Variants in MAPK4 observed in about 807,000 individuals in gnomAD.
The protein encoded by MAPK4 is mitogen-activated protein kinase 4, also known as Erk3-related.
MAPK4 carries 22 observed loss-of-function variants against 47.7 expected under a neutral mutation model. The observed-to-expected ratio is 0.46, with a 90% confidence interval of 0.33 to 0.66. The LOEUF (loss-of-function observed/expected upper bound fraction) is 0.66, where lower values mean the gene tolerates loss of function less well. MAPK4 is among the 30% of genes least tolerant of loss of function. MAPK4 has a pLI of 0.02. For missense variants in MAPK4, 736 were observed against 831.7 expected, an observed-to-expected ratio of 0.88 and a Z score of 1.42; for synonymous variants, 390 against 365.7, an observed-to-expected ratio of 1.07 and a Z score of -0.76.
At chr18:50,592,292 G>A (rs1280092883) in intron 1 of MAPK4, among the ~76,000 whole-genome samples, 4 of 152,160 alleles carry the variant, frequency 2.6e-5, no homozygotes, top group African/African-American at 9.7e-5. Flanking sequence ...GAAGCAGTGG[G>A]TACTTGAGGG....
chr18:50,713,909 C>G (rs1681082058), intron 2 of MAPK4, among the ~76,000 whole-genome samples: 1 of 152,156 alleles, frequency 6.6e-6, no homozygotes, highest in African/African-American at 2.4e-5. Context: ...GTTTGAGGCT[C>G]TACTCGGAGG....
intron 1 of MAPK4, among the ~76,000 whole-genome samples, chr18:50,599,854 T>G (rs1276959595): frequency 6.6e-6 from 1 of 152,226 alleles, no homozygotes; most frequent in East Asian, 1.9e-4. Context: ...CTGAGGAGTA[T>G]CTAAGTCATT....
intron 1 of MAPK4, among the ~76,000 whole-genome samples, chr18:50,658,244 A>T (rs996148528): frequency 7.2e-5 from 11 of 152,190 alleles, no homozygotes; most frequent in African/African-American, 2.7e-4. Context: ...CTTTAATTTG[A>T]GACATACCAC....
At chr18:50,628,197 C>T (rs538799956) in intron 1 of MAPK4, among the ~76,000 whole-genome samples, 38 of 152,272 alleles carry the variant, frequency 2.5e-4, no homozygotes, top group South Asian at 1.0e-3. Context: ...TGAAAATCTG[C>T]GAATTAATAA....
At chr18:50,719,137 G>T (rs960458199) in intron 3 of MAPK4, among the ~76,000 whole-genome samples, 1 of 150,772 alleles carries the variant, frequency 6.6e-6, no homozygotes, top group Non-Finnish European at 1.5e-5. Context: ...GTCAGATGAA[G>T]CTGAAGTCAG....
At chr18:50,667,171 T>C (rs893586674) in intron 2 of MAPK4, among the ~76,000 whole-genome samples, 4 of 152,224 alleles carry the variant, frequency 2.6e-5, no homozygotes, top group Admixed American at 6.5e-5. Flanking sequence ...CTCATCACTC[T>C]CTGCTCTGTC....
intron 5 of MAPK4, among the ~76,000 whole-genome samples, chr18:50,727,465 C>T (rs1911262891): frequency 6.6e-6 from 1 of 152,162 alleles, no homozygotes; most frequent in African/African-American, 2.4e-5. Flanking sequence ...TTGTTGTTGT[C>T]AATTGTTGTT....
intron 2 of MAPK4, chr18:50,704,510 C>G (rs1314685026): frequency 1.0e-5 from 4 of 398,594 alleles, no homozygotes; most frequent in Non-Finnish European, 1.8e-5. Context: ...TCATGTGTGT[C>G]TCTCTCTTAT....
At position 50,722,160 on chromosome 18, in the gene MAPK4, G is replaced by A. The variant is rs918591371; in HGVS notation, c.853+61G>A. The A allele has an allele frequency of 1.8e-5, 28 of 1,550,442 alleles. No individual in the cohort carries two copies. The Middle Eastern group carries it at 6.4e-4, about 35-fold the overall frequency. On this transcript the variant is annotated intron_variant, in intron 4 of 5. Transcript: ENST00000400384. ...GAGGATGAGCTAGGCTCCACCTTGC[G>A]GGGTAGGGGGCAGGCAGGTCTCCTT... is the stretch of plus-strand genomic sequence containing the variant.
intron 1 of MAPK4, among the ~76,000 whole-genome samples, chr18:50,600,561 A>G (rs2149371984): frequency 1.3e-5 from 2 of 152,298 alleles, no homozygotes; most frequent in South Asian, 2.1e-4. Context: ...CATCAGAGCC[A>G]CTAGAGCTGC....
At chr18:50,683,501 A>G (rs1908704743) in intron 2 of MAPK4, among the ~76,000 whole-genome samples, 1 of 147,898 alleles carries the variant, frequency 6.8e-6, no homozygotes, top group Non-Finnish European at 1.5e-5. Context: ...TAAACTTACC[A>G]AAATAGCACA....
intron 1 of MAPK4, among the ~76,000 whole-genome samples, chr18:50,581,064 A>C (rs1392541775): frequency 1.3e-5 from 2 of 152,206 alleles, no homozygotes; most frequent in African/African-American, 2.4e-5. Flanking sequence ...AGGAGTTTGC[A>C]TGTTCATCCT....
At chr18:50,708,550 G>A (rs1415732001) in intron 2 of MAPK4, among the ~76,000 whole-genome samples, 2 of 152,142 alleles carry the variant, frequency 1.3e-5, no homozygotes, top group African/African-American at 2.4e-5. Context: ...TTAACCAGTC[G>A]AGGTCCTCAA....
At chr18:50,668,391 G>A (rs73959991) in intron 2 of MAPK4, among the ~76,000 whole-genome samples, 2,245 of 152,282 alleles carry the variant, frequency 0.015, 52 homozygotes, top group African/African-American at 0.051. Flanking sequence ...CACTGGGCAC[G>A]TGCCCATTAG....
In MAPK4 at chr18:50,568,453, T is replaced by A. The variant is rs2042220909; in HGVS notation, c.-871+8210T>A. ...TTACAACAGTCTCTGAAGTGGGTAC[T>A]GTCACGTCTCTCCATTTATACATGA... On this transcript the variant is annotated intron_variant, in intron 1 of 5. Coordinates refer to ENST00000400384, the MANE Select transcript of MAPK4 (RefSeq NM_002747.4). Among the ~76,000 whole-genome samples the A allele has an allele frequency of 2.0e-5, 3 of 152,352 alleles. No individual in the cohort carries two copies. The South Asian group carries it at 6.2e-4, about 32-fold the overall frequency.
rs117558687 is a variant in MAPK4 at position 50,659,612 on chromosome 18, C to A, written c.-870-3477C>A. On this transcript the variant is annotated intron_variant, in intron 1 of 5. Coordinates refer to ENST00000400384, the MANE Select transcript of MAPK4 (RefSeq NM_002747.4). The stretch of plus-strand genomic sequence containing the variant: ...TGAGAGAATAATTAATTGGCCTCAA[C>A]TAAGCTGTTACCTGAGAGTCAGTGA... Among the ~76,000 whole-genome samples, 695 of 152,332 alleles carry A rather than the reference C, an allele frequency of 4.6e-3. 4 individuals are homozygous for A. Among genetic ancestry groups the A allele is most frequent in the Non-Finnish European group, 8.1e-3 (554 of 68,040 alleles).
At chr18:50,652,127 C>T (rs991034455) in intron 1 of MAPK4, among the ~76,000 whole-genome samples, 1 of 152,204 alleles carries the variant, frequency 6.6e-6, no homozygotes, top group African/African-American at 2.4e-5. Context: ...GATGAGACTT[C>T]TTGCTGGAGT....
chr18:50,634,475 T>C (rs923868963), intron 1 of MAPK4, among the ~76,000 whole-genome samples: 4 of 152,152 alleles, frequency 2.6e-5, no homozygotes, highest in Non-Finnish European at 4.4e-5. Context: ...TTCTCTGAAA[T>C]CCCTTGGCGT....
At chr18:50,659,602 T>C (rs921878471) in intron 1 of MAPK4, among the ~76,000 whole-genome samples, 9 of 152,200 alleles carry the variant, frequency 5.9e-5, no homozygotes, top group Non-Finnish European at 1.2e-4. Flanking sequence ...GAATAATTAA[T>C]TGGCCTCAAC....
Sources: gnomAD v4.1 joint callset for allele counts (sites outside exome capture counted in the v4.1 genomes callset) on GRCh38, gnomAD v4.1.1 for gene constraint, MANE v1.5 for transcripts, NCBI Gene and HGNC (gene_info 2026-07-23, HGNC 2026-07-21) for gene names.